The following JPT1 variants were observed in gnomAD, a reference collection of about 807,000 sequenced individuals.
The protein encoded by JPT1 is Jupiter microtubule associated homolog 1.
In JPT1, 5 loss-of-function variants were observed where a neutral mutation model predicts 17.0. The ratio of observed to expected loss-of-function variants is 0.29; its 90% CI spans 0.15 to 0.62. The LOEUF is 0.62. JPT1 is among the 20% of genes least tolerant of loss of function. The pLI is 0.85. For missense variants in JPT1, 158 were observed against 188.1 expected (o/e 0.84, Z 0.94); for synonymous variants, 71 against 73.6 (o/e 0.96, Z 0.18).
chr17:75,144,068 G>T (rs920816519), intron 4 of JPT1, among the ~76,000 whole-genome samples: 4 of 151,900 alleles, frequency 2.6e-5, no homozygotes, highest in Non-Finnish European at 4.4e-5. Context: ...CTGGATAACT[G>T]AACATGTGGA....
chr17:75,153,848 G>A (rs892829072), intron 1 of JPT1: 38 of 152,482 alleles, frequency 2.5e-4, no homozygotes, highest in African/African-American at 7.0e-4. Flanking sequence ...CCGGTCTCCG[G>A]ATCCAATGGC....
intron 1 of JPT1, among the ~76,000 whole-genome samples, chr17:75,151,982 A>G (rs1259677169): frequency 1.3e-5 from 2 of 152,096 alleles, no homozygotes; most frequent in African/African-American, 4.8e-5. Flanking sequence ...AAAAAAAAAA[A>G]AAATCAAGAA....
intron 1 of JPT1, among the ~76,000 whole-genome samples, chr17:75,150,096 G>A (rs2074518942): frequency 6.6e-6 from 1 of 152,078 alleles, no homozygotes; most frequent in Non-Finnish European, 1.5e-5. Flanking sequence ...ATCATCTGTA[G>A]CTTTCTGTTC....
At chr17:75,148,972 G>T (rs2074491766) in intron 1 of JPT1, 2 of 1,255,890 alleles carry the variant, frequency 1.6e-6, no homozygotes, top group Non-Finnish European at 2.0e-6. Flanking sequence ...TTCAGAAATG[G>T]CAAAAGATCT....
chr17:75,144,820 A>AC (rs1256880362), intron 4 of JPT1, among the ~76,000 whole-genome samples: 1 of 151,984 alleles, frequency 6.6e-6, no homozygotes, highest in African/African-American at 2.4e-5. Context: ...GTGGGGAGAA[A>AC]CCCCCCATAT....
At chr17:75,144,990 C>T (rs1190385090) in intron 4 of JPT1, among the ~76,000 whole-genome samples, 1 of 151,840 alleles carries the variant, frequency 6.6e-6, no homozygotes, top group Non-Finnish European at 1.5e-5. Context: ...CACCAAGAAA[C>T]ACTGTGAGGC....
At chr17:75,141,426 G>C (rs1297214439) in intron 4 of JPT1, 1 of 152,332 alleles carries the variant, frequency 6.6e-6, no homozygotes, top group Non-Finnish European at 1.5e-5. Flanking sequence ...GCCAAGGCAG[G>C]GGGATCACCT....
intron 1 of JPT1, among the ~76,000 whole-genome samples, chr17:75,149,428 C>T (rs994635391): frequency 6.6e-6 from 1 of 152,030 alleles, no homozygotes. Context: ...AGTGCAGTGG[C>T]GCGATCTCAG....
intron 1 of JPT1, chr17:75,153,518 G>A (rs2145201080): frequency 6.6e-6 from 1 of 152,376 alleles, no homozygotes; most frequent in South Asian, 2.1e-4. Context: ...AGGAGGAAGC[G>A]AAGGTAGGAT....
intron 4 of JPT1, among the ~76,000 whole-genome samples, chr17:75,141,847 T>A (rs1344108565): frequency 6.6e-6 from 1 of 151,860 alleles, no homozygotes; most frequent in African/African-American, 2.4e-5. Context: ...GGTGGGTAGA[T>A]CGCTTGAGGT....
intron 1 of JPT1, chr17:75,148,955 TC>T: frequency 8.4e-7 from 1 of 1,191,884 alleles, no homozygotes; most frequent in Non-Finnish European, 1.1e-6. Context: ...CTGGTTGGTG[TC>T]CCCTTTTCAG....
chr17:75,142,642 A>AGG, intron 4 of JPT1: 1 of 241,954 alleles, frequency 4.1e-6, no homozygotes, highest in South Asian at 2.2e-5. Flanking sequence ...GAGGGAGGGG[A>AGG]GGGGGGGATG....
In JPT1 at chr17:75,147,624, A is replaced by G. The variant is rs764033692; in HGVS notation, c.229T>C (p.Leu77=). 6.8e-6 allele frequency: 11 copies of G among 1,614,002 alleles called. No individual in the cohort carries two copies. Among genetic ancestry groups the G allele is most frequent in the South Asian group, 2.2e-5 (2 of 91,086 alleles). The change falls in exon 3 of 5, where the codon TTG becomes CTG. Residue 77 remains leucine, a synonymous_variant. Coordinates refer to ENST00000409753, the MANE Select transcript of JPT1 (RefSeq NM_016185.4). ...GAKSSGGRED[L]ESSGLQRRNS... is the part of the protein sequence containing the mutation. ...CTTCTCTGCAGTCCAGATGACTCCA[A>G]GTCTTCCCTGCCACCACTAGACTTG...
At position 75,136,245 on chromosome 17, in the gene JPT1, C is replaced by A. The variant is rs747161676; in HGVS notation, c.322G>T (p.Val108Leu). The stretch of plus-strand genomic sequence containing the variant: ...AGGCTGCCTGGCAAGTCTGTGTCCA[C>A]ATTTTCTATGAAAACAGGGAATAGA... ...LKGEGDIHEN[V>L]DTDLPGSLGQ... Residue 108 changes from valine to leucine, a missense_variant, in exon 5 of 5, where the codon GTG (valine) becomes TTG (leucine). Val to Leu is a conservative substitution (Grantham distance 32). Transcript: ENST00000409753. 11 of 1,576,700 alleles carry A rather than the reference C, an allele frequency of 7.0e-6. No individual in the cohort carries two copies. The East Asian group carries it at 2.5e-4, about 36-fold the overall frequency.
chr17:75,139,797 G>A (rs895026065), intron 4 of JPT1, among the ~76,000 whole-genome samples: 3 of 151,932 alleles, frequency 2.0e-5, no homozygotes, highest in African/African-American at 4.8e-5. Context: ...CAGCCTGGGC[G>A]ACAGAGTAAG....
chr17:75,136,265 A>G lies in JPT1; in HGVS notation c.317-15T>C, dbSNP rs770301385. 6 of 1,560,916 alleles carry G rather than the reference A, an allele frequency of 3.8e-6. No homozygotes were observed. The highest frequency in any genetic ancestry group is 5.2e-6 in the Non-Finnish European group (6 of 1,151,718). Reference sequence around the variant, plus strand: ...GTCCACATTTTCTATGAAAACAGGGAATAGAAATAATACTCATAATGACAG... The same window carrying G: ...GTCCACATTTTCTATGAAAACAGGGGATAGAAATAATACTCATAATGACAG... On this transcript the variant is annotated splice_polypyrimidine_tract_variant and intron_variant, in intron 4 of 4. Coordinates refer to ENST00000409753, the MANE Select transcript of JPT1 (RefSeq NM_016185.4).
At chr17:75,141,610 G>A (rs1026262205) in intron 4 of JPT1, among the ~76,000 whole-genome samples, 32 of 151,394 alleles carry the variant, frequency 2.1e-4, no homozygotes, top group African/African-American at 7.8e-4. Context: ...CCGAGATTAT[G>A]CCACTGCACT....
At chr17:75,143,949 G>C (rs952516436) in intron 4 of JPT1, among the ~76,000 whole-genome samples, 6 of 152,082 alleles carry the variant, frequency 3.9e-5, no homozygotes, top group African/African-American at 9.7e-5. Flanking sequence ...CTTGAGTCCA[G>C]GAGGTTGAGG....
chr17:75,137,531 T>G (rs1023645221), intron 4 of JPT1, among the ~76,000 whole-genome samples: 77 of 151,064 alleles, frequency 5.1e-4, no homozygotes, highest in African/African-American at 1.6e-3. Flanking sequence ...TATTTTTGTT[T>G]TTTTTTTTTT....
Sources: allele counts gnomAD v4.1 joint callset (sites outside exome capture counted in the v4.1 genomes callset), GRCh38; gene constraint gnomAD v4.1.1; transcripts MANE v1.5; gene names NCBI Gene and HGNC (gene_info 2026-07-23, HGNC 2026-07-21).